The following CEP89 variants were observed in gnomAD, a reference collection of about 807,000 sequenced individuals.
The protein encoded by CEP89 is centrosomal protein 89, also known as centrosomal protein of 89 kDa.
CEP89 carries 95 observed loss-of-function variants against 97.6 expected under a neutral mutation model. The ratio of observed to expected loss-of-function variants is 0.97; its 90% CI spans 0.82 to 1.15. CEP89 has a LOEUF of 1.15. Among genes scored for constraint, CEP89 ranks in the 50% most tolerant of loss-of-function variants. The probability of loss-of-function intolerance (pLI) is 0.00; values close to 1 mark genes in which losing one functional copy is unlikely to be tolerated. For missense variants in CEP89, 869 were observed against 947.7 expected, an observed-to-expected ratio of 0.92 and a Z score of 1.09; for synonymous variants, 354 against 349.1, an observed-to-expected ratio of 1.01 and a Z score of -0.16.
chr19:32,899,412 G>A (rs1419340084), intron 16 of CEP89, among the ~76,000 whole-genome samples: 2 of 152,100 alleles, frequency 1.3e-5, no homozygotes, highest in Non-Finnish European at 2.9e-5. Flanking sequence ...GGGACTACAG[G>A]CACACAGCAC....
chr19:32,958,176 A>T (rs935559540), intron 3 of CEP89, among the ~76,000 whole-genome samples: 1 of 144,712 alleles, frequency 6.9e-6, no homozygotes, highest in Admixed American at 6.9e-5. Context: ...CTTACCAGGA[A>T]AAAAAAAAAG....
Position 32,933,527 on chromosome 19 carries a change from T to C in CEP89, c.810A>G (p.Glu270=). 1 of 1,614,118 alleles carries C rather than the reference T, an allele frequency of 6.2e-7. No individual in the cohort carries two copies. Among genetic ancestry groups the C allele is most frequent in the South Asian group, 1.1e-5 (1 of 91,078 alleles). ...ELNTMKQAMK[E]LQLKLKGMEK... The stretch of plus-strand genomic sequence containing the variant: ...CCATTCCCTTAAGTTTTAACTGTAG[T>C]TCTTTCATTGCTTGTTTCATTGTGT... Residue 270 remains glutamate (E), a synonymous_variant, in exon 8 of 19, where the codon GAA becomes GAG. Transcript: ENST00000305768.
intron 1 of CEP89, chr19:32,971,140 C>A (rs1269133464): frequency 1.5e-5 from 3 of 197,018 alleles, no homozygotes; most frequent in Non-Finnish European, 3.1e-5. Context: ...CCGCAGCAGT[C>A]CAGACAGATG....
intron 17 of CEP89, among the ~76,000 whole-genome samples, chr19:32,886,785 T>C (rs952764662): frequency 8.0e-5 from 12 of 150,884 alleles, no homozygotes; most frequent in Non-Finnish European, 1.3e-4. Context: ...CACAGGGGGA[T>C]TTTAAATTAC....
rs1475355774 is a variant in CEP89, at chr19:32,900,010, C to A, written c.1734-12G>T. The A allele has an allele frequency of 1.9e-6, 3 of 1,613,620 alleles. No individual in the cohort carries two copies. The highest frequency in any genetic ancestry group is 2.5e-6 in the Non-Finnish European group (3 of 1,179,688). ...TCTTTTGAGATTTCCTAGAGAGTTACCCCAAATGGTAGAATAAAAAGCCCA... is the reference window on the plus strand; with the variant it reads ...TCTTTTGAGATTTCCTAGAGAGTTAACCCAAATGGTAGAATAAAAAGCCCA... On this transcript the variant is annotated splice_polypyrimidine_tract_variant and intron_variant, in intron 15 of 18. Transcript: ENST00000305768.
At chr19:32,916,050 G>A (rs1428359471) in intron 13 of CEP89, among the ~76,000 whole-genome samples, 3 of 152,112 alleles carry the variant, frequency 2.0e-5, no homozygotes, top group South Asian at 2.1e-4. Context: ...AGGCTGAGGG[G>A]AGTATTGCTT....
At chr19:32,883,862 G>A (rs1359283036) in intron 17 of CEP89, among the ~76,000 whole-genome samples, 1 of 152,164 alleles carries the variant, frequency 6.6e-6, no homozygotes, top group African/African-American at 2.4e-5. Context: ...CTTGGATTAA[G>A]AGAGGTGGAT....
Position 32,971,951 on chromosome 19 carries a change from A to T in CEP89, c.-77T>A. 1.3e-6 allele frequency: 2 copies of T among 1,483,398 alleles called. No homozygotes were observed. The highest frequency in any genetic ancestry group is 1.8e-6 in the Non-Finnish European group (2 of 1,084,836). The allele number at this position is 1,483,398 out of a possible 1,614,324, so 91.9% of individuals were successfully genotyped here. A position where few individuals can be genotyped will look rare whatever the true frequency, so the allele number is the denominator to read the frequency against. On this transcript the variant is annotated 5_prime_UTR_variant, in exon 1 of 19. Transcript: ENST00000305768. ...TCCACAGCCAGGGACCACTCCCTAAAGCCCGCCGCAGGCCCAGCCCTCACG... is the reference window on the plus strand; with the variant it reads ...TCCACAGCCAGGGACCACTCCCTAATGCCCGCCGCAGGCCCAGCCCTCACG...
intron 16 of CEP89, among the ~76,000 whole-genome samples, chr19:32,888,927 A>G (rs1969457143): frequency 6.6e-6 from 1 of 151,936 alleles, no homozygotes; most frequent in Admixed American, 6.6e-5. Flanking sequence ...CTCCTGCCTC[A>G]ACCTCCTGGG....
chr19:32,953,287 A>G (rs1285126392), intron 4 of CEP89, among the ~76,000 whole-genome samples: 2 of 151,732 alleles, frequency 1.3e-5, no homozygotes, highest in African/African-American at 4.8e-5. Flanking sequence ...ATTTAAAGAA[A>G]GGCTGCAGTG....
chr19:32,921,229 A>AG (rs1555791346), intron 12 of CEP89, among the ~76,000 whole-genome samples: 2 of 113,400 alleles, frequency 1.8e-5, no homozygotes, highest in Non-Finnish European at 4.0e-5. Context: ...CTCAAAAAAA[A>AG]AAAGAAAGAA....
chr19:32,953,240 T>C (rs984327029), intron 4 of CEP89, among the ~76,000 whole-genome samples: 4 of 151,006 alleles, frequency 2.6e-5, no homozygotes, highest in Non-Finnish European at 4.4e-5. Flanking sequence ...TCAGCTCCCA[T>C]TGAGACACGC....
At chr19:32,943,148 C>A (rs1292370280) in intron 5 of CEP89, among the ~76,000 whole-genome samples, 1 of 152,182 alleles carries the variant, frequency 6.6e-6, no homozygotes, top group Admixed American at 6.5e-5. Flanking sequence ...CAGGTGTGTG[C>A]CATTATGCCG....
At chr19:32,911,590 T>C (rs1449567556) in intron 14 of CEP89, among the ~76,000 whole-genome samples, 1 of 152,168 alleles carries the variant, frequency 6.6e-6, no homozygotes, top group Non-Finnish European at 1.5e-5. Flanking sequence ...AGGTGGAGGT[T>C]GCAGTGAGCC....
chr19:32,963,311 G>T (rs1348198490), intron 2 of CEP89, among the ~76,000 whole-genome samples: 1 of 152,100 alleles, frequency 6.6e-6, no homozygotes, highest in East Asian at 1.9e-4. Flanking sequence ...AGCTGAAATC[G>T]TTCCACTGCA....
At chr19:32,931,351 C>T in intron 9 of CEP89, 78 bp downstream of exon 9, 1 of 1,259,302 alleles carries the variant, frequency 7.9e-7, no homozygotes, top group Non-Finnish European at 1.1e-6. Context: ...TAAATAAGAA[C>T]CTCTCAAGAT....
rs1970837038 is a variant in CEP89 at position 32,948,251 on chromosome 19, G to T, written c.595+15C>A. On this transcript the variant is annotated intron_variant, in intron 5 of 18. Transcript: ENST00000305768. ...GTTCTTATATTTTATAAAAATTGTG[G>T]TTTTTTTTTTCTACCTTTTTGTTGT... The T allele has an allele frequency of 2.2e-6, 3 of 1,348,708 alleles. No homozygotes were observed. The highest frequency in any genetic ancestry group is 3.1e-6 in the Non-Finnish European group (3 of 979,772). 83.5% of individuals were successfully genotyped at this position (1,348,708 alleles called of 1,614,324 possible).
At chr19:32,956,007 C>T (rs1211252730) in intron 3 of CEP89, among the ~76,000 whole-genome samples, 1 of 149,374 alleles carries the variant, frequency 6.7e-6, no homozygotes, top group African/African-American at 2.5e-5. Context: ...TGTTCAGGTC[C>T]TTTGTCTGTT....
intron 14 of CEP89, among the ~76,000 whole-genome samples, chr19:32,902,874 T>C (rs1969811830): frequency 6.6e-6 from 1 of 152,204 alleles, no homozygotes; most frequent in South Asian, 2.1e-4. Context: ...ATTTCTGACA[T>C]GCACAAAGAA....
Sources: allele counts gnomAD v4.1 joint callset (sites outside exome capture counted in the v4.1 genomes callset), GRCh38; gene constraint gnomAD v4.1.1; transcripts MANE v1.5; gene names NCBI Gene and HGNC (gene_info 2026-07-23, HGNC 2026-07-21).